TPH1: variants seen among roughly 807,000 people sequenced by gnomAD.
TPH1 encodes the protein tryptophan 5-hydroxylase 1.
TPH1 carries 37 observed loss-of-function variants against 49.5 expected under a neutral mutation model. The ratio of observed to expected loss-of-function variants is 0.75; its 90% confidence interval spans 0.58 to 0.98. The LOEUF is 0.98. TPH1 is among the 50% of genes least tolerant of loss of function. TPH1 has a pLI of 0.00. For synonymous variants in TPH1, 160 were observed against 182.1 expected, an observed-to-expected ratio of 0.88 and a Z score of 0.98; for missense variants, 487 against 523.6, an observed-to-expected ratio of 0.93 and a Z score of 0.68.
intron 2 of TPH1, 93 bp from the exon 3 acceptor site, chr11:18,036,235 T>A: frequency 1.1e-6 from 1 of 927,616 alleles, no homozygotes; most frequent in Non-Finnish European, 1.7e-6. Flanking sequence ...AAAATCAGAT[T>A]CACACTTCTC....
rs1278286790 is a variant in TPH1 at position 18,027,226 on chromosome 11, G to A, written c.668-601C>T. 2.0e-5 allele frequency among the ~76,000 whole-genome samples: 3 copies of A among 152,094 alleles called. No homozygotes were observed. The East Asian group carries it at 5.8e-4, about 29-fold the overall frequency. ...CTGCCACTAGGATTCAGTGGTTCAG[G>A]AGACCCCTGTAAGCCCTAATCTTGG... On this transcript the variant is annotated intron_variant, in intron 6 of 10. Coordinates refer to ENST00000682019, the MANE Select transcript of TPH1 (RefSeq NM_004179.3).
intron 6 of TPH1, among the ~76,000 whole-genome samples, chr11:18,027,968 G>C (rs1847946355): frequency 6.6e-6 from 1 of 152,120 alleles, no homozygotes; most frequent in Non-Finnish European, 1.5e-5. Context: ...AAGTCTATGA[G>C]AGAAACTCAA....
chr11:18,022,771 T>A (rs1433734539), intron 10 of TPH1, 27 bp downstream of exon 10: 6 of 1,611,268 alleles, frequency 3.7e-6, no homozygotes, highest in Non-Finnish European at 5.1e-6. Flanking sequence ...CTGAAGAAAA[T>A]GAAGGCGTGA....
At chr11:18,035,049 C>G (rs2134031853) in intron 3 of TPH1, among the ~76,000 whole-genome samples, 1 of 152,358 alleles carries the variant, frequency 6.6e-6, no homozygotes, top group East Asian at 1.9e-4. Flanking sequence ...GGTTTACGCT[C>G]CTAGACGGAG....
At chr11:18,041,163 A>G (rs1176089177) in intron 1 of TPH1, 5 of 178,542 alleles carry the variant, frequency 2.8e-5, no homozygotes, top group Admixed American at 2.4e-4. Flanking sequence ...ACCAGGTCTC[A>G]AATGGTTTCC....
intron 1 of TPH1, chr11:18,041,011 G>T (rs1023257843): frequency 2.7e-6 from 1 of 369,624 alleles, no homozygotes; most frequent in Non-Finnish European, 5.0e-6. Flanking sequence ...GTTCCCTTTT[G>T]TTTTTTTTCT....
At chr11:18,040,539 G>GTT in intron 2 of TPH1, 107 bp downstream of exon 2, 7 of 1,127,730 alleles carry the variant, frequency 6.2e-6, no homozygotes, top group Non-Finnish European at 7.4e-6. Flanking sequence ...AGCTAAATTT[G>GTT]TTTTTTTTTA....
intron 4 of TPH1, among the ~76,000 whole-genome samples, chr11:18,030,142 CT>C (rs1847973103): frequency 6.6e-6 from 1 of 152,104 alleles, no homozygotes; most frequent in African/African-American, 2.4e-5. Flanking sequence ...AGCATGGTGG[CT>C]CAGGCCTGTA....
At chr11:18,029,081 CA>C (rs368358256) in intron 6 of TPH1, 83 bp downstream of exon 6, 75,218 of 524,740 alleles carry the variant, frequency 0.14, 170 homozygotes, top group African/African-American at 0.19. Flanking sequence ...GACTCTGTCT[CA>C]AAAAAAAAAA....
intron 1 of TPH1, 170 bp from the exon 2 acceptor site, chr11:18,040,958 C>A (rs1848094231): frequency 5.4e-6 from 3 of 559,574 alleles, no homozygotes; most frequent in Non-Finnish European, 9.2e-6. Flanking sequence ...AAATAAGATA[C>A]AACTTTGCCT....
chr11:18,019,598 T>G lies in TPH1; in HGVS notation c.*1393A>C, dbSNP rs966395423. ...AAGGGGCAAAAAAATTCAAGAAAGATGTCAGGGTTATAACTGCAAATAGAG... is the reference window on the plus strand; with the variant it reads ...AAGGGGCAAAAAAATTCAAGAAAGAGGTCAGGGTTATAACTGCAAATAGAG... On this transcript the variant is annotated 3_prime_UTR_variant, in exon 11 of 11. Transcript: ENST00000682019. 2.2e-6 allele frequency: 1 copy of G among 453,442 alleles called. No homozygotes were observed. The highest frequency in any genetic ancestry group is 2.0e-5 in the African/African-American group (1 of 49,746). 28.1% of individuals were successfully genotyped at this position (453,442 alleles called of 1,614,324 possible).
At position 18,044,563 on chromosome 11, in the gene TPH1, C is replaced by G. The variant is rs530270366; in HGVS notation, c.-27+1678G>C. 3.3e-5 allele frequency among the ~76,000 whole-genome samples: 5 copies of G among 151,784 alleles called. No homozygotes were observed. The South Asian group carries it at 1.0e-3, about 32-fold the overall frequency. ...TTGTTCCCCCCCACCCCAAAATAAT[C>G]TTACAGGACATAGATCTTTGATCGT... is the stretch of plus-strand genomic sequence containing the variant. On this transcript the variant is annotated intron_variant, in intron 1 of 10. Coordinates refer to ENST00000682019, the MANE Select transcript of TPH1 (RefSeq NM_004179.3).
chr11:18,027,462 A>G (rs1336067492), intron 6 of TPH1, among the ~76,000 whole-genome samples: 2 of 152,246 alleles, frequency 1.3e-5, no homozygotes, highest in African/African-American at 4.8e-5. Flanking sequence ...CTGAGGAACC[A>G]AACTCTTGAT....
chr11:18,038,495 A>C (rs568348669), intron 2 of TPH1, among the ~76,000 whole-genome samples: 2 of 152,352 alleles, frequency 1.3e-5, no homozygotes, highest in East Asian at 3.9e-4. Flanking sequence ...AGTGCAGACA[A>C]AGTAATTCAA....
rs1442065387 is a variant in TPH1 at position 18,045,786 on chromosome 11, G to C, written c.-27+455C>G. The stretch of plus-strand genomic sequence containing the variant: ...ATCTGAGACTCCTTCTTCTTCGGGA[G>C]GCTGTTTAAGGGAAGCTTCCCTTCA... On this transcript the variant is annotated intron_variant, in intron 1 of 10. Transcript: ENST00000682019. Among the ~76,000 whole-genome samples the C allele has an allele frequency of 2.6e-5, 4 of 152,136 alleles. No homozygotes were observed. In the East Asian group the frequency reaches 7.7e-4, roughly 29 times the overall value.
In TPH1 at chr11:18,018,269, C is replaced by T. The variant is rs965029059; in HGVS notation, c.*2722G>A. 2 of 151,966 alleles carry T rather than the reference C, an allele frequency of 1.3e-5. No homozygotes were observed. The highest frequency in any genetic ancestry group is 2.9e-5 in the Non-Finnish European group (2 of 68,002). 9.4% of individuals were successfully genotyped at this position (151,966 alleles called of 1,614,324 possible). The stretch of plus-strand genomic sequence containing the variant: ...TACATATTCCTAGGTGCTTTGAAGA[C>T]ATATATTTAAAATGCATGAAAATTC... On this transcript the variant is annotated 3_prime_UTR_variant, in exon 11 of 11. Transcript: ENST00000682019.
chr11:18,043,335 C>T (rs1460575682), intron 1 of TPH1, among the ~76,000 whole-genome samples: 3 of 152,172 alleles, frequency 2.0e-5, no homozygotes, highest in South Asian at 2.1e-4. Context: ...CCAGCTGCTG[C>T]GGCTCATGCC....
chr11:18,031,526 T>C (rs2134029765), intron 4 of TPH1, among the ~76,000 whole-genome samples: 1 of 152,204 alleles, frequency 6.6e-6, no homozygotes, highest in East Asian at 1.9e-4. Flanking sequence ...AATAGTCATA[T>C]TGAGGTTTTA....
intron 1 of TPH1, among the ~76,000 whole-genome samples, chr11:18,041,866 C>A (rs979883086): frequency 1.3e-5 from 2 of 152,138 alleles, no homozygotes. Flanking sequence ...TCAACCCAAG[C>A]GCATTCACAT....
Sources: allele counts gnomAD v4.1 joint callset (sites outside exome capture counted in the v4.1 genomes callset), GRCh38; gene constraint gnomAD v4.1.1; transcripts MANE v1.5; gene names NCBI Gene and HGNC (gene_info 2026-07-23, HGNC 2026-07-21).